Variants in MX2 observed in about 807,000 individuals in gnomAD.
MX2 encodes interferon-induced GTP-binding protein Mx2.
In MX2, 51 loss-of-function variants were observed where a neutral mutation model predicts 74.0. That is an observed-to-expected ratio of 0.69 (90% CI 0.55 to 0.87). The LOEUF is 0.87. Among genes scored for constraint, MX2 ranks in the 40% least tolerant of loss-of-function variants. The probability of loss-of-function intolerance (pLI) is 0.00; values close to 1 mark genes in which losing one functional copy is unlikely to be tolerated. For missense variants in MX2, 832 were observed against 908.7 expected (o/e 0.92, Z 1.09); for synonymous variants, 369 against 339.3 (o/e 1.09, Z -0.96).
intron 6 of MX2, among the ~76,000 whole-genome samples, chr21:41,393,543 G>A (rs375268284): frequency 2.0e-5 from 3 of 151,808 alleles, no homozygotes; most frequent in African/African-American, 7.3e-5. Context: ...CTCTCGGGTC[G>A]CTTCCGTCAC....
rs2089850403 is a variant in MX2 at position 41,403,916 on chromosome 21, T to G, written c.1650+573T>G. The G allele has an allele frequency of 1.2e-5, 3 of 242,088 alleles. No homozygotes were observed. The South Asian group carries it at 1.3e-4, about 10-fold the overall frequency. The allele number at this position is 242,088 out of a possible 1,614,324, so 15.0% of individuals were successfully genotyped here. A position where few individuals can be genotyped will look rare whatever the true frequency, so the allele number is the denominator to read the frequency against. ...TTCGTCATTTTTCCGTCATATAAATTAATTTCTTCTTTCACCCTTTTTGCC... is the reference window on the plus strand; with the variant it reads ...TTCGTCATTTTTCCGTCATATAAATGAATTTCTTCTTTCACCCTTTTTGCC... On this transcript the variant is annotated intron_variant, in intron 12 of 13. Coordinates refer to ENST00000330714, the MANE Select transcript of MX2 (RefSeq NM_002463.2).
At chr21:41,392,367 A>G (rs914754741) in intron 6 of MX2, among the ~76,000 whole-genome samples, 1 of 152,254 alleles carries the variant, frequency 6.6e-6, no homozygotes, top group East Asian at 1.9e-4. Flanking sequence ...ACACAACAAC[A>G]TGAGTGAACT....
Position 41,403,271 on chromosome 21 carries a change from T to C in MX2, c.1578T>C (p.Ile526=), listed in dbSNP as rs774924276. The change falls in exon 12 of 14, where the codon ATT becomes ATC. Residue 526 remains isoleucine, a synonymous_variant. Coordinates refer to ENST00000330714, the MANE Select transcript of MX2 (RefSeq NM_002463.2). ...ALSMLQKAME[I]IQQAFINVAK... is the part of the protein sequence containing the mutation. ...CTTTTTGCTTTTTTTGGTCAGAAAT[T>C]ATCCAGCAAGCTTTCATTAACGTGG... 1 of 1,612,232 alleles carries C rather than the reference T, an allele frequency of 6.2e-7. No homozygotes were observed. Among genetic ancestry groups the C allele is most frequent in the Admixed American group, 1.7e-5 (1 of 59,954 alleles).
chr21:41,399,188 A>C lies in MX2; in HGVS notation c.1273-8A>C, dbSNP rs1441122564. On this transcript the variant is annotated splice_region_variant and splice_polypyrimidine_tract_variant and intron_variant, in intron 9 of 13. Coordinates refer to ENST00000330714, the MANE Select transcript of MX2 (RefSeq NM_002463.2). ...CCGCAAAGACTATTGACTTTATATC[A>C]TTTTCAGAAAATCAAGATGTTTAAT... The C allele has an allele frequency of 5.6e-6, 9 of 1,613,122 alleles. No individual in the cohort carries two copies. The highest frequency in any genetic ancestry group is 7.6e-6 in the Non-Finnish European group (9 of 1,179,752).
chr21:41,394,562 A>G (rs2145938111), intron 6 of MX2, among the ~76,000 whole-genome samples: 2 of 152,310 alleles, frequency 1.3e-5, no homozygotes, highest in African/African-American at 4.8e-5. Flanking sequence ...CTCGTATATT[A>G]CTAGATTAAT....
chr21:41,405,417 G>A (rs1001751680), intron 12 of MX2, among the ~76,000 whole-genome samples: 2 of 151,922 alleles, frequency 1.3e-5, no homozygotes, highest in African/African-American at 2.4e-5. Context: ...TCAGTGTGTC[G>A]GCATGGTCAG....
Position 41,390,719 on chromosome 21 carries a change from C to A in MX2, c.871+16C>A, listed in dbSNP as rs145689273. 51,175 of 1,612,896 alleles carry A rather than the reference C, an allele frequency of 0.032. 937 individuals are homozygous for A. The highest frequency in any genetic ancestry group is 0.054 in the Middle Eastern group (327 of 6,018). ...AGGACCATCGGTAAGAGGAAAGAAC[C>A]AAGTGGCCGGGTGCGGTGGCTCAAG... On this transcript the variant is annotated intron_variant, in intron 6 of 13. Transcript: ENST00000330714.
At chr21:41,398,816 G>C (rs1015855099) in intron 8 of MX2, 81 bp from the exon 9 acceptor site, 2 of 1,539,012 alleles carry the variant, frequency 1.3e-6, no homozygotes, top group Non-Finnish European at 1.8e-6. Context: ...ATGCTTTAAA[G>C]GGCTCCTACT....
Position 41,402,809 on chromosome 21 carries a change from G to C in MX2, c.1574-458G>C, listed in dbSNP as rs796704640. 1.5e-4 allele frequency: 26 copies of C among 171,518 alleles called. No individual in the cohort carries two copies. Among genetic ancestry groups the C allele is most frequent in the African/African-American group, 5.7e-4 (24 of 42,098 alleles). 10.6% of individuals were successfully genotyped at this position (171,518 alleles called of 1,614,324 possible). On this transcript the variant is annotated intron_variant, in intron 11 of 13. Transcript: ENST00000330714. The surrounding 1 kb of genome is among the most constrained non-coding windows in gnomAD (Gnocchi z 4.5). ...GACAGTGACAGATCGTCAGGCATTAGATTCTCATAAGGAACACGCAACCTA... is the reference window on the plus strand; with the variant it reads ...GACAGTGACAGATCGTCAGGCATTACATTCTCATAAGGAACACGCAACCTA...
At chr21:41,376,630 A>C (rs1206022230) in intron 1 of MX2, among the ~76,000 whole-genome samples, 1 of 152,170 alleles carries the variant, frequency 6.6e-6, no homozygotes, top group Non-Finnish European at 1.5e-5. Context: ...CCCGTTCCCC[A>C]AGCCCGGGCC....
intron 2 of MX2, 91 bp from the exon 3 acceptor site, chr21:41,377,698 A>G (rs1181556752): frequency 7.2e-7 from 1 of 1,397,562 alleles, no homozygotes; most frequent in South Asian, 1.3e-5. Flanking sequence ...CCAACCTAAC[A>G]TCATAGCCGC....
intron 5 of MX2, chr21:41,389,721 C>T (rs1256729203): frequency 6.6e-6 from 1 of 152,152 alleles, no homozygotes; most frequent in Non-Finnish European, 1.5e-5. Context: ...CAGAATGGCT[C>T]ATTTTTGGCT....
Position 41,403,653 on chromosome 21 carries a change from T to G in MX2, c.1650+310T>G, listed in dbSNP as rs1417311364. On this transcript the variant is annotated intron_variant, in intron 12 of 13. Coordinates refer to ENST00000330714, the MANE Select transcript of MX2 (RefSeq NM_002463.2). Reference sequence around the variant, plus strand: ...GACTGGCTGGTAGGCTGAATCTTTTTCAAGCATAAAGCACAGCATTGTTTA... The same window carrying G: ...GACTGGCTGGTAGGCTGAATCTTTTGCAAGCATAAAGCACAGCATTGTTTA... 4.0e-5 allele frequency: 24 copies of G among 607,288 alleles called. No homozygotes were observed. The Admixed American group carries it at 4.5e-4, about 12-fold the overall frequency. 37.6% of individuals were successfully genotyped at this position (607,288 alleles called of 1,614,324 possible). A position where few individuals can be genotyped will look rare whatever the true frequency, so the allele number is the denominator to read the frequency against.
At chr21:41,387,067 C>T (rs111678272) in intron 5 of MX2, among the ~76,000 whole-genome samples, 1,777 of 152,302 alleles carry the variant, frequency 0.012, 33 homozygotes, top group African/African-American at 0.04. Context: ...TGCACGCAAT[C>T]GTGTGCCTTT....
chr21:41,377,604 G>A (rs933600500), intron 2 of MX2, among the ~76,000 whole-genome samples, 185 bp from the exon 3 acceptor site: 1 of 152,040 alleles, frequency 6.6e-6, no homozygotes, highest in Admixed American at 6.5e-5. Context: ...ATCTGCCCCT[G>A]TGAGGCCTCA....
intron 12 of MX2, among the ~76,000 whole-genome samples, chr21:41,405,669 C>G (rs1206152954): frequency 6.6e-6 from 1 of 151,816 alleles, no homozygotes; most frequent in Non-Finnish European, 1.5e-5. Context: ...ACCCTGTGAC[C>G]CCCCTTCTCT....
At chr21:41,362,426 C>CT (rs2089219685) in intron 1 of MX2, among the ~76,000 whole-genome samples, 2 of 152,220 alleles carry the variant, frequency 1.3e-5, no homozygotes, top group South Asian at 4.2e-4. Flanking sequence ...GAAAAGTCGT[C>CT]TCGGAGGGTT....
In MX2 at chr21:41,399,339, T is replaced by C. The variant is rs756705006; in HGVS notation, c.1414+2T>C. 1.2e-6 allele frequency: 2 copies of C among 1,613,298 alleles called. No individual in the cohort carries two copies. Among genetic ancestry groups the C allele is most frequent in the African/African-American group, 2.7e-5 (2 of 74,838 alleles). On this transcript the variant is annotated splice_donor_variant, in intron 10 of 13. Coordinates refer to ENST00000330714, the MANE Select transcript of MX2 (RefSeq NM_002463.2). LOFTEE classifies it high-confidence loss of function. ...TACTTGCAACTAATACCCAAAAAGGTAAGTTCTGGGCAGGGCTCCCTGCAA... is the reference window on the plus strand; with the variant it reads ...TACTTGCAACTAATACCCAAAAAGGCAAGTTCTGGGCAGGGCTCCCTGCAA...
intron 7 of MX2, among the ~76,000 whole-genome samples, chr21:41,396,206 C>T (rs1282496264): frequency 6.6e-6 from 1 of 152,224 alleles, no homozygotes; most frequent in Non-Finnish European, 1.5e-5. Flanking sequence ...CCACCGTAAA[C>T]GGCACACAGG....
Sources: gnomAD v4.1 joint callset for allele counts (sites outside exome capture counted in the v4.1 genomes callset) on GRCh38, gnomAD v4.1.1 for gene constraint, Gnocchi (gnomAD v3.1) non-coding constraint, MANE v1.5 for transcripts, NCBI Gene and HGNC (gene_info 2026-07-23, HGNC 2026-07-21) for gene names.